LRFN5: variants seen among roughly 807,000 people sequenced by gnomAD.
The protein encoded by LRFN5 is leucine-rich repeat and fibronectin type-III domain-containing protein 5.
In LRFN5, 24 loss-of-function variants were observed where a neutral mutation model predicts 45.6. That is an observed-to-expected ratio of 0.53 (90% CI 0.38 to 0.74). The LOEUF is 0.74. Among genes scored for constraint, LRFN5 ranks in the 30% least tolerant of loss-of-function variants. LRFN5 has a pLI of 0.00. For missense variants in LRFN5, 776 were observed against 861.5 expected (o/e 0.90, Z 1.24); for synonymous variants, 340 against 313.8 (o/e 1.08, Z -0.88).
intron 1 of LRFN5, among the ~76,000 whole-genome samples, chr14:41,643,642 C>A (rs143943922): frequency 1.3e-5 from 2 of 152,134 alleles, no homozygotes; most frequent in South Asian, 2.1e-4. Flanking sequence ...CATCTATAAA[C>A]TATTTTTCCT....
chr14:41,892,475 G>A (rs1890820258), intron 4 of LRFN5: 1 of 980,170 alleles, frequency 1.0e-6, no homozygotes, highest in East Asian at 1.1e-4. Context: ...GTAGAAAAAA[G>A]TATTGCATAA....
rs537825700 is a variant in LRFN5, at chr14:41,876,258, C to T, written c.-20-10348C>T. ...AGATACACTGAGCACCAGAGGAATG[C>T]GTAATTGTCTTTTTCTTTCTTTTTT... On this transcript the variant is annotated intron_variant, in intron 2 of 5. Transcript: ENST00000298119. Among the ~76,000 whole-genome samples the T allele has an allele frequency of 3.4e-5, 5 of 147,688 alleles. No homozygotes were observed. The East Asian group carries it at 6.1e-4, about 18-fold the overall frequency.
chr14:41,859,011 C>G (rs767299558), intron 2 of LRFN5, among the ~76,000 whole-genome samples: 1 of 152,140 alleles, frequency 6.6e-6, no homozygotes, highest in Non-Finnish European at 1.5e-5. Flanking sequence ...CAGGATAATA[C>G]ACAGTAGTGT....
chr14:41,818,346 A>C (rs901161790), intron 2 of LRFN5, among the ~76,000 whole-genome samples: 1 of 152,058 alleles, frequency 6.6e-6, no homozygotes, highest in Non-Finnish European at 1.5e-5. Flanking sequence ...AATCAATTTA[A>C]ACAGGGAACA....
intron 1 of LRFN5, among the ~76,000 whole-genome samples, chr14:41,710,809 C>A (rs1216267741): frequency 6.6e-6 from 1 of 151,988 alleles, no homozygotes; most frequent in Admixed American, 6.6e-5. Flanking sequence ...GTGATGTTCC[C>A]CTGCCTGTGT....
intron 1 of LRFN5, among the ~76,000 whole-genome samples, chr14:41,629,881 T>C (rs1481838613): frequency 6.6e-6 from 1 of 152,164 alleles, no homozygotes; most frequent in Admixed American, 6.5e-5. Flanking sequence ...CTGAGAGCCT[T>C]ACTTTTTTTT....
intron 4 of LRFN5, chr14:41,894,376 T>C (rs1266523852): frequency 1.2e-6 from 1 of 864,180 alleles, no homozygotes; most frequent in Non-Finnish European, 1.4e-6. Context: ...ATTTATTTTG[T>C]TTGACTAACA....
chr14:41,888,132 G>T, intron 3 of LRFN5, 122 bp downstream of exon 3: 1 of 752,986 alleles, frequency 1.3e-6, no homozygotes, highest in Non-Finnish European at 2.1e-6. Context: ...ATTTTAAAGT[G>T]CATAGTGTAA....
At chr14:41,791,823 A>C (rs1420812003) in intron 2 of LRFN5, among the ~76,000 whole-genome samples, 2 of 152,090 alleles carry the variant, frequency 1.3e-5, no homozygotes, top group Non-Finnish European at 2.9e-5. Flanking sequence ...CTATTCTGAA[A>C]ATTTATGCTA....
At chr14:41,843,086 CTTTTTTT>C (rs539151256) in intron 2 of LRFN5, among the ~76,000 whole-genome samples, 3 of 118,310 alleles carry the variant, frequency 2.5e-5, no homozygotes, top group African/African-American at 6.2e-5. Context: ...TTTGTCTTTT[CTTTTTTT>C]TTTTTTTTTT....
At chr14:41,818,821 T>A (rs1888012910) in intron 2 of LRFN5, among the ~76,000 whole-genome samples, 1 of 152,150 alleles carries the variant, frequency 6.6e-6, no homozygotes, top group Non-Finnish European at 1.5e-5. Context: ...GTCTGGTCTT[T>A]TAGTGTATCT....
intron 1 of LRFN5, among the ~76,000 whole-genome samples, chr14:41,645,449 G>T (rs1275058539): frequency 6.6e-6 from 1 of 152,120 alleles, no homozygotes; most frequent in Non-Finnish European, 1.5e-5. Context: ...TGGCCAGGCT[G>T]GTTTCCAGCC....
chr14:41,823,952 A>T (rs1258303905), intron 2 of LRFN5, among the ~76,000 whole-genome samples: 1 of 152,168 alleles, frequency 6.6e-6, no homozygotes, highest in Non-Finnish European at 1.5e-5. Context: ...TATTTGGTCT[A>T]GGCTATTATT....
Position 41,643,605 on chromosome 14 carries a change from G to A in LRFN5, c.-197+35043G>A, listed in dbSNP as rs1196105417. ...TAGCTCCCATGATGCACTAAAAAAG[G>A]CAAATTCGATAACATCATTTCACAT... is the stretch of plus-strand genomic sequence containing the variant. On this transcript the variant is annotated intron_variant, in intron 1 of 5. Coordinates refer to ENST00000298119, the MANE Select transcript of LRFN5 (RefSeq NM_152447.5). 3.3e-5 allele frequency among the ~76,000 whole-genome samples: 5 copies of A among 151,960 alleles called. No homozygotes were observed. The South Asian group carries it at 6.2e-4, about 19-fold the overall frequency.
At chr14:41,744,939 G>C (rs1312643632) in intron 1 of LRFN5, among the ~76,000 whole-genome samples, 3 of 152,020 alleles carry the variant, frequency 2.0e-5, no homozygotes, top group African/African-American at 7.2e-5. Context: ...CTACACAATA[G>C]TTGGATACTT....
intron 1 of LRFN5, among the ~76,000 whole-genome samples, chr14:41,686,979 G>A (rs1376241924): frequency 6.6e-6 from 1 of 152,168 alleles, no homozygotes; most frequent in Non-Finnish European, 1.5e-5. Context: ...TTCATAAAAT[G>A]AGTTAGGGAG....
chr14:41,842,953 TA>T (rs1888913459), intron 2 of LRFN5, among the ~76,000 whole-genome samples: 1 of 152,112 alleles, frequency 6.6e-6, no homozygotes, highest in Admixed American at 6.5e-5. Context: ...CATTCAAACA[TA>T]TTTTATATTT....
chr14:41,632,836 G>A (rs1888596114), intron 1 of LRFN5, among the ~76,000 whole-genome samples: 1 of 152,026 alleles, frequency 6.6e-6, no homozygotes, highest in African/African-American at 2.4e-5. Flanking sequence ...GAAAATGTAT[G>A]ATTTTTCTTC....
intron 2 of LRFN5, among the ~76,000 whole-genome samples, chr14:41,852,011 C>A (rs981531651): frequency 2.6e-5 from 4 of 151,670 alleles, no homozygotes; most frequent in Non-Finnish European, 5.9e-5. Flanking sequence ...TTTGTGGAAC[C>A]CACAACATCC....
Sources: gnomAD v4.1 joint callset for allele counts (sites outside exome capture counted in the v4.1 genomes callset) on GRCh38, gnomAD v4.1.1 for gene constraint, MANE v1.5 for transcripts, NCBI Gene and HGNC (gene_info 2026-07-23, HGNC 2026-07-21) for gene names.